Variants in SPOP observed in about 807,000 individuals in gnomAD.
SPOP encodes the protein speckle-type POZ protein.
In SPOP, 11 loss-of-function variants were observed where a neutral mutation model predicts 45.6. The ratio of observed to expected loss-of-function variants is 0.24; its 90% CI spans 0.15 to 0.40. The LOEUF (loss-of-function observed/expected upper bound fraction) is 0.40, where lower values mean the gene tolerates loss of function less well. Among genes scored for constraint, SPOP ranks in the 10% least tolerant of loss-of-function variants. The pLI, the probability that SPOP is intolerant of heterozygous loss-of-function variation, is 1.00. For synonymous variants in SPOP, 166 were observed against 166.3 expected (o/e 1.00, Z 0.01); for missense variants, 152 against 465.6 (o/e 0.33, Z 6.20).
chr17:49,647,313 T>TAAA lies in SPOP; in HGVS notation c.-66-24440_-66-24438dup, dbSNP rs1156781114. ...CTACAGAGTGAGTGAGATGCCGTCT[T>TAAA]AAAAAAAAAAAAAAAAAAAAAAAAA... On this transcript the variant is annotated intron_variant, in intron 1 of 9. Coordinates refer to ENST00000504102, the MANE Select transcript of SPOP (RefSeq NM_001007228.2). 7.6e-4 allele frequency among the ~76,000 whole-genome samples: 33 copies of TAAA among 43,146 alleles called. 1 individual carries two copies. Among genetic ancestry groups the TAAA allele is most frequent in the African/African-American group, 1.9e-3 (19 of 9,852 alleles). 28.3% of individuals were successfully genotyped at this position (43,146 alleles called of 152,430 possible).
chr17:49,639,000 T>C (rs2072597370), intron 1 of SPOP, among the ~76,000 whole-genome samples: 1 of 152,174 alleles, frequency 6.6e-6, no homozygotes, highest in African/African-American at 2.4e-5. Context: ...CAGTTAATAA[T>C]AGCAGGAGTC....
intron 1 of SPOP, among the ~76,000 whole-genome samples, chr17:49,658,811 T>C (rs2072949481): frequency 6.6e-6 from 1 of 152,198 alleles, no homozygotes; most frequent in African/African-American, 2.4e-5. Flanking sequence ...CTCTGTGTCT[T>C]TGTGTTGACC....
intron 7 of SPOP, 151 bp from the exon 8 acceptor site, chr17:49,607,523 A>G: frequency 9.7e-7 from 1 of 1,026,728 alleles, no homozygotes; most frequent in Non-Finnish European, 1.4e-6. Flanking sequence ...CGGCTTGATT[A>G]TAATAGCCTT....
chr17:49,651,135 A>G (rs2072838811), intron 1 of SPOP, among the ~76,000 whole-genome samples: 1 of 152,236 alleles, frequency 6.6e-6, no homozygotes, highest in African/African-American at 2.4e-5. Flanking sequence ...AAGATTGGTG[A>G]AAAATAATCA....
chr17:49,644,500 G>A (rs2072717900), intron 1 of SPOP, among the ~76,000 whole-genome samples: 1 of 152,150 alleles, frequency 6.6e-6, no homozygotes. Flanking sequence ...ACAAAGACCA[G>A]AAAAGATATG....
chr17:49,656,996 A>G (rs1378031905), intron 1 of SPOP, among the ~76,000 whole-genome samples: 1 of 151,998 alleles, frequency 6.6e-6, no homozygotes, highest in Non-Finnish European at 1.5e-5. Context: ...CCTGGCTAAC[A>G]CAGTGAAATC....
chr17:49,606,114 G>A, intron 8 of SPOP, among the ~76,000 whole-genome samples: 1 of 151,816 alleles, frequency 6.6e-6, no homozygotes, highest in Non-Finnish European at 1.5e-5. Context: ...TAAATGCTAT[G>A]TAAATAGTTG....
At chr17:49,632,650 G>A (rs1405750377) in intron 1 of SPOP, among the ~76,000 whole-genome samples, 2 of 152,046 alleles carry the variant, frequency 1.3e-5, no homozygotes, top group African/African-American at 4.8e-5. Flanking sequence ...CCACCAACAT[G>A]CCCAGGTAAT....
At chr17:49,624,499 C>T (rs2143316848) in intron 1 of SPOP, among the ~76,000 whole-genome samples, 1 of 152,230 alleles carries the variant, frequency 6.6e-6, no homozygotes, top group Admixed American at 6.5e-5. Context: ...GACAGGGTCT[C>T]ACTTTGTAAC....
chr17:49,678,096 T>A lies in SPOP; in HGVS notation c.-230A>T. ...ACACCGACACACACCAGCCGGGGCG[T>A]CATGGCGTCAGCACGTCGACGCAGC... On this transcript the variant is annotated 5_prime_UTR_variant, in exon 1 of 10. Coordinates refer to ENST00000504102, the MANE Select transcript of SPOP (RefSeq NM_001007228.2). The A allele has an allele frequency of 2.5e-6, 1 of 396,934 alleles. No homozygotes were observed. The highest frequency in any genetic ancestry group is 4.4e-6 in the Non-Finnish European group (1 of 225,364). The allele number at this position is 396,934 out of a possible 1,614,324, so 24.6% of individuals were successfully genotyped here. A position where few individuals can be genotyped will look rare whatever the true frequency, so the allele number is the denominator to read the frequency against.
At chr17:49,617,607 T>C (rs537728926) in intron 5 of SPOP, among the ~76,000 whole-genome samples, 1 of 152,302 alleles carries the variant, frequency 6.6e-6, no homozygotes, top group Middle Eastern at 3.4e-3. Context: ...AGTTTTCTAA[T>C]CATTTGCAAC....
intron 1 of SPOP, among the ~76,000 whole-genome samples, chr17:49,665,603 G>C (rs1567803648): frequency 6.8e-6 from 1 of 146,608 alleles, no homozygotes; most frequent in Admixed American, 7.0e-5. Flanking sequence ...GACAGAACAA[G>C]ACTCTGTCTC....
At chr17:49,658,221 T>A (rs1168879778) in intron 1 of SPOP, among the ~76,000 whole-genome samples, 1 of 152,220 alleles carries the variant, frequency 6.6e-6, no homozygotes, top group South Asian at 2.1e-4. Context: ...TACATGCACA[T>A]ACACATTTAG....
At chr17:49,648,915 G>A (rs571317195) in intron 1 of SPOP, among the ~76,000 whole-genome samples, 14 of 152,016 alleles carry the variant, frequency 9.2e-5, no homozygotes, top group African/African-American at 2.9e-4. Flanking sequence ...CCGCCACCAC[G>A]CCCGGCCAAT....
At chr17:49,603,668 CTTA>C (rs1236999997) in intron 8 of SPOP, among the ~76,000 whole-genome samples, 1 of 152,174 alleles carries the variant, frequency 6.6e-6, no homozygotes, top group East Asian at 1.9e-4. Flanking sequence ...TGAAAGATTT[CTTA>C]TTCTGTTTTC....
chr17:49,647,450 A>G (rs1338878922), intron 1 of SPOP, among the ~76,000 whole-genome samples: 1 of 149,536 alleles, frequency 6.7e-6, no homozygotes, highest in African/African-American at 2.5e-5. Context: ...AACGAATCCT[A>G]TGTTGTAATT....
intron 1 of SPOP, among the ~76,000 whole-genome samples, chr17:49,673,253 C>G (rs535206722): frequency 6.6e-6 from 1 of 152,142 alleles, no homozygotes; most frequent in Non-Finnish European, 1.5e-5. Flanking sequence ...CGCCTGTAAT[C>G]CCAGCACTTT....
intron 1 of SPOP, among the ~76,000 whole-genome samples, chr17:49,671,290 T>TA (rs1035392064): frequency 1.1e-4 from 17 of 151,712 alleles, no homozygotes; most frequent in South Asian, 2.1e-4. Context: ...AATAACCTGT[T>TA]AGAGGTTGGT....
chr17:49,632,335 A>C (rs993619679), intron 1 of SPOP, among the ~76,000 whole-genome samples: 1 of 152,198 alleles, frequency 6.6e-6, no homozygotes, highest in Non-Finnish European at 1.5e-5. Flanking sequence ...ACGGAAGAAA[A>C]GGGAAACGTA....
Sources: allele counts gnomAD v4.1 joint callset (sites outside exome capture counted in the v4.1 genomes callset), GRCh38; gene constraint gnomAD v4.1.1; transcripts MANE v1.5; gene names NCBI Gene and HGNC (gene_info 2026-07-23, HGNC 2026-07-21).